Variants in CHD7 observed in about 807,000 individuals in gnomAD.
CHD7 encodes the protein ATP-dependent chromatin remodeler CHD7.
Under a neutral mutation model 307.3 loss-of-function variants are expected in CHD7, and 24 were observed. The observed-to-expected ratio is 0.08, with a 90% confidence interval of 0.06 to 0.11. The LOEUF (loss-of-function observed/expected upper bound fraction) is 0.11. CHD7 is among the 10% of genes least tolerant of loss of function. The pLI, the probability that CHD7 is intolerant of heterozygous loss-of-function variation, is 1.00. For missense variants in CHD7, 3,106 were observed against 3,727.1 expected, an observed-to-expected ratio of 0.83 and a Z score of 4.34; for synonymous variants, 1,363 against 1,349.9, an observed-to-expected ratio of 1.01 and a Z score of -0.21.
In CHD7 at chr8:60,844,621, T is replaced by G. The variant is rs865954205; in HGVS notation, c.4851-243T>G. 8.5e-5 allele frequency among the ~76,000 whole-genome samples: 13 copies of G among 152,284 alleles called. No homozygotes were observed. In the South Asian group the frequency reaches 2.1e-3, roughly 24 times the overall value. On this transcript the variant is annotated intron_variant, in intron 21 of 37. Coordinates refer to ENST00000423902, the MANE Select transcript of CHD7 (RefSeq NM_017780.4). ...CTTCATGTACCTGGAAAGGCCAGGGTTAGCTTTGTGGGTGTTATTCTTGTG... is the reference window on the plus strand; with the variant it reads ...CTTCATGTACCTGGAAAGGCCAGGGGTAGCTTTGTGGGTGTTATTCTTGTG...
In CHD7 at chr8:60,865,307, A is replaced by G; in HGVS notation, c.8368A>G (p.Lys2790Glu). The change falls in exon 38 of 38, where the codon AAG becomes GAG. Residue 2790 changes from lysine to glutamate, a missense_variant. By Grantham distance (56) the Lys-to-Glu change is moderately conservative. Transcript: ENST00000423902. This position sits in a 1 kb window ranked among gnomAD's most constrained non-coding sequence, Gnocchi z 4.3. ...AGCTGCCACCGCCGGAGGCGATGCG[A>G]AGAACCCTGCTGCTGTGCTGCCCCT... ...ATAATAGGDA[K>E]NPAAVLPLML... The G allele has an allele frequency of 6.2e-7, 1 of 1,611,510 alleles. No homozygotes were observed.
At chr8:60,826,891 A>G (rs772883397) in intron 13 of CHD7, among the ~76,000 whole-genome samples, 1 of 152,254 alleles carries the variant, frequency 6.6e-6, no homozygotes. Context: ...AGAGCTAAAA[A>G]GAATGGTAAC....
chr8:60,695,107 A>C (rs1806405261), intron 1 of CHD7, among the ~76,000 whole-genome samples: 1 of 152,182 alleles, frequency 6.6e-6, no homozygotes, highest in Non-Finnish European at 1.5e-5. Context: ...GGAGCGGAGA[A>C]TAGCTTAGAA....
intron 2 of CHD7, among the ~76,000 whole-genome samples, chr8:60,758,548 A>AT (rs1272388204): frequency 6.6e-6 from 1 of 152,216 alleles, no homozygotes; most frequent in African/African-American, 2.4e-5. Context: ...TTGAGAGCTC[A>AT]TATTTTATTA....
rs1027967003 is a variant in CHD7, at chr8:60,714,164, CG to C, written c.-174-27093del. Among the ~76,000 whole-genome samples the C allele has an allele frequency of 3.3e-5, 5 of 151,964 alleles. No homozygotes were observed. The South Asian group carries it at 1.0e-3, about 32-fold the overall frequency. On this transcript the variant is annotated intron_variant, in intron 1 of 37. Transcript: ENST00000423902. ...CGGAGCCCGCGCGAGGACATGAGGA[CG>C]GCGAGCGGGCCCCCCGGGGGGCGGG...
At chr8:60,697,370 A>G (rs190091769) in intron 1 of CHD7, among the ~76,000 whole-genome samples, 3 of 152,328 alleles carry the variant, frequency 2.0e-5, no homozygotes, top group Admixed American at 1.3e-4. Context: ...AATAGCTTCA[A>G]AGTTTTTGTC....
At chr8:60,705,735 A>G (rs565471605) in intron 1 of CHD7, among the ~76,000 whole-genome samples, 68 of 152,360 alleles carry the variant, frequency 4.5e-4, no homozygotes, top group African/African-American at 1.6e-3. Context: ...AGATTTAAAA[A>G]TAAAGTATAA....
intron 1 of CHD7, among the ~76,000 whole-genome samples, chr8:60,731,706 C>T (rs1808466118): frequency 6.6e-6 from 1 of 152,130 alleles, no homozygotes; most frequent in South Asian, 2.1e-4. Context: ...GAATAAGTTA[C>T]ATTTGTTTTC....
intron 1 of CHD7, among the ~76,000 whole-genome samples, chr8:60,709,341 T>G (rs955429308): frequency 1.3e-5 from 2 of 152,196 alleles, no homozygotes; most frequent in Middle Eastern, 3.2e-3. Context: ...AAGGTGGAGA[T>G]GATAAACAGT....
intron 7 of CHD7, chr8:60,808,776 TA>T (rs1812654619): frequency 6.5e-6 from 1 of 153,950 alleles, no homozygotes; most frequent in Admixed American, 6.5e-5. Context: ...ATTCATAACT[TA>T]AAAATCTGAA....
intron 2 of CHD7, among the ~76,000 whole-genome samples, chr8:60,762,863 G>C (rs1586286467): frequency 6.6e-6 from 1 of 152,166 alleles, no homozygotes; most frequent in Admixed American, 6.5e-5. Flanking sequence ...CTTGCAGGGT[G>C]GGGAGACAAT....
intron 19 of CHD7, among the ~76,000 whole-genome samples, chr8:60,838,743 A>G (rs1804845745): frequency 6.6e-6 from 1 of 152,184 alleles, no homozygotes; most frequent in Non-Finnish European, 1.5e-5. Context: ...CTTATTTTTC[A>G]GCTTTTTCAG....
intron 3 of CHD7, among the ~76,000 whole-genome samples, chr8:60,789,658 A>C (rs1445919855): frequency 6.6e-6 from 1 of 152,202 alleles, no homozygotes; most frequent in Non-Finnish European, 1.5e-5. Flanking sequence ...TTTTGTAATA[A>C]ATCAGGGCAG....
At chr8:60,748,761 T>C (rs901070795) in intron 2 of CHD7, among the ~76,000 whole-genome samples, 4 of 152,206 alleles carry the variant, frequency 2.6e-5, no homozygotes, top group Admixed American at 2.6e-4. Flanking sequence ...AGTTGAATTT[T>C]TAGGATCTGC....
chr8:60,726,549 T>G (rs1398520928), intron 1 of CHD7, among the ~76,000 whole-genome samples: 1 of 152,234 alleles, frequency 6.6e-6, no homozygotes, highest in African/African-American at 2.4e-5. Flanking sequence ...CTGCACTGAG[T>G]GCTAATTATC....
chr8:60,706,927 G>A (rs952999974), intron 1 of CHD7, among the ~76,000 whole-genome samples: 3 of 152,100 alleles, frequency 2.0e-5, no homozygotes, highest in Non-Finnish European at 2.9e-5. Flanking sequence ...CCATTAACTC[G>A]TCATTTACAT....
intron 1 of CHD7, among the ~76,000 whole-genome samples, chr8:60,731,176 A>G (rs1483344912): frequency 6.6e-6 from 1 of 151,994 alleles, no homozygotes; most frequent in Admixed American, 6.6e-5. Flanking sequence ...TGCCAAAGAT[A>G]AGCAGGAAAA....
intron 1 of CHD7, among the ~76,000 whole-genome samples, chr8:60,705,559 C>A (rs1806984431): frequency 6.6e-6 from 1 of 152,164 alleles, no homozygotes; most frequent in South Asian, 2.1e-4. Flanking sequence ...ATATTAAACA[C>A]TGTAAATAGG....
At position 60,830,531 on chromosome 8, in the gene CHD7, T is replaced by A. The variant is rs753692642; in HGVS notation, c.3732T>A (p.Thr1244=). 3 of 1,613,906 alleles carry A rather than the reference T, an allele frequency of 1.9e-6. No homozygotes were observed. Among genetic ancestry groups the A allele is most frequent in the Non-Finnish European group, 2.5e-6 (3 of 1,179,882 alleles). ...CTAACGTACCTAACCTATTAAACACTATGATGGAATTGCGGAAGTGCTGCA... is the reference window on the plus strand; with the variant it reads ...CTAACGTACCTAACCTATTAAACACAATGATGGAATTGCGGAAGTGCTGCA... The part of the protein sequence containing the change: ...GQANVPNLLN[T]MMELRKCCNH... The change falls in exon 15 of 38, where the codon ACT becomes ACA. Residue 1244 remains threonine (T), a synonymous_variant. Transcript: ENST00000423902.
Sources: allele counts gnomAD v4.1 joint callset (sites outside exome capture counted in the v4.1 genomes callset), GRCh38; gene constraint gnomAD v4.1.1; non-coding constraint Gnocchi (gnomAD v3.1); transcripts MANE v1.5; gene names NCBI Gene and HGNC (gene_info 2026-07-23, HGNC 2026-07-21).